PDZD2: variants seen among roughly 807,000 people sequenced by gnomAD.
PDZD2 encodes the protein PDZ domain-containing protein 2.
Under a neutral mutation model 220.7 loss-of-function variants are expected in PDZD2, and 90 were observed. The observed-to-expected ratio is 0.41, with a 90% CI of 0.34 to 0.49. The LOEUF (loss-of-function observed/expected upper bound fraction) is 0.49, where lower values mean the gene tolerates loss of function less well. Among genes scored for constraint, PDZD2 ranks in the 20% least tolerant of loss-of-function variants. The probability of loss-of-function intolerance (pLI) is 0.28; values close to 1 mark genes in which losing one functional copy is unlikely to be tolerated. For missense variants in PDZD2, 3,174 were observed against 3,608.5 expected (o/e 0.88, Z 3.08); for synonymous variants, 1,375 against 1,450.5 (o/e 0.95, Z 1.18).
chr5:31,913,356 G>A (rs1050980299), intron 2 of PDZD2, among the ~76,000 whole-genome samples: 4 of 140,756 alleles, frequency 2.8e-5, no homozygotes, highest in African/African-American at 1.0e-4. Flanking sequence ...AAAAAAAAAA[G>A]AATAGTATCA....
At chr5:32,010,139 G>C (rs1753177167) in intron 5 of PDZD2, among the ~76,000 whole-genome samples, 191 bp from the exon 6 acceptor site, 1 of 152,018 alleles carries the variant, frequency 6.6e-6, no homozygotes, top group South Asian at 2.1e-4. Context: ...ATTCTCTGTG[G>C]GGAAAAAATG....
rs1745143472 is a variant in PDZD2 at position 31,646,554 on chromosome 5, C to T, written c.-361+7117C>T. ...ATTTTTGTGTGTTGGCCAATGGACA[C>T]TTATAAAATGTCTGATTTCAGCTGT... On this transcript the variant is annotated intron_variant, in intron 1 of 24. Coordinates refer to ENST00000438447, the MANE Select transcript of PDZD2 (RefSeq NM_178140.4). This position sits in a 1 kb window ranked among gnomAD's most constrained non-coding sequence, Gnocchi z 4.7. Among the ~76,000 whole-genome samples, 1 of 152,144 alleles carries T rather than the reference C, an allele frequency of 6.6e-6. No homozygotes were observed.
chr5:31,999,889 C>G (rs1751964354), intron 4 of PDZD2, among the ~76,000 whole-genome samples: 1 of 152,154 alleles, frequency 6.6e-6, no homozygotes, highest in Non-Finnish European at 1.5e-5. Context: ...GACATTGATG[C>G]CAGGTAGGCC....
rs962086402 is a variant in PDZD2, at chr5:31,864,523, C to CT, written c.476+64811dup. ...ACTACATCTGAATTTGAATTGCATCCTTTTTTTTTTTTGGAGACGGAGTTT... is the reference window on the plus strand; with the variant it reads ...ACTACATCTGAATTTGAATTGCATCCTTTTTTTTTTTTTGGAGACGGAGTTT... On this transcript the variant is annotated intron_variant, in intron 2 of 24. Transcript: ENST00000438447. 5.7e-3 allele frequency among the ~76,000 whole-genome samples: 836 copies of CT among 146,418 alleles called. 5 individuals are homozygous for CT. Among genetic ancestry groups the CT allele is most frequent in the African/African-American group, 0.016 (638 of 40,250 alleles).
intron 15 of PDZD2, among the ~76,000 whole-genome samples, chr5:32,070,933 T>A (rs1740684906): frequency 1.3e-5 from 2 of 152,052 alleles, no homozygotes; most frequent in South Asian, 4.2e-4. Context: ...GATCATGCCA[T>A]TGCACTCCAG....
chr5:31,880,076 C>T lies in PDZD2; in HGVS notation c.476+80352C>T, dbSNP rs181059110. 2.2e-3 allele frequency among the ~76,000 whole-genome samples: 332 copies of T among 151,990 alleles called. 2 individuals carry two copies. Among genetic ancestry groups the T allele is most frequent in the Non-Finnish European group, 3.4e-3 (229 of 67,984 alleles). On this transcript the variant is annotated intron_variant, in intron 2 of 24. Transcript: ENST00000438447. ...TGACAGGCGCCCACCACCACCACCA[C>T]GCCTGGCTACTTTTTGTATTTTTTT...
At chr5:31,696,546 A>G (rs1747386669) in intron 1 of PDZD2, among the ~76,000 whole-genome samples, 2 of 152,100 alleles carry the variant, frequency 1.3e-5, no homozygotes, top group Non-Finnish European at 2.9e-5. Flanking sequence ...CAAGTGATCT[A>G]CAAGTCTTGG....
At chr5:31,914,090 T>C (rs1743451297) in intron 2 of PDZD2, among the ~76,000 whole-genome samples, 1 of 152,240 alleles carries the variant, frequency 6.6e-6, no homozygotes. Flanking sequence ...CAGTGCCATG[T>C]GATCCCAGAA....
chr5:31,990,510 C>G (rs927221109), intron 3 of PDZD2, among the ~76,000 whole-genome samples: 1 of 152,188 alleles, frequency 6.6e-6, no homozygotes, highest in Non-Finnish European at 1.5e-5. Flanking sequence ...GGGTCTGTTG[C>G]AGAACTCGGT....
chr5:31,992,272 G>A (rs1751279161), intron 3 of PDZD2, among the ~76,000 whole-genome samples: 1 of 152,258 alleles, frequency 6.6e-6, no homozygotes, highest in African/African-American at 2.4e-5. Flanking sequence ...GTAGTTGGGG[G>A]CTGTATTACA....
intron 2 of PDZD2, among the ~76,000 whole-genome samples, chr5:31,890,640 G>A (rs557969722): frequency 1.5e-4 from 23 of 152,144 alleles, no homozygotes; most frequent in Non-Finnish European, 3.2e-4. Context: ...CAAAGAGAAG[G>A]CTGGCTTAAC....
intron 1 of PDZD2, among the ~76,000 whole-genome samples, chr5:31,752,415 G>T (rs1751052722): frequency 6.6e-6 from 1 of 152,066 alleles, no homozygotes; most frequent in African/African-American, 2.4e-5. Flanking sequence ...CAGACGTGGT[G>T]GTGGACACCT....
chr5:31,689,353 A>ATATATATTTTTTTTTTTTTT, intron 1 of PDZD2, among the ~76,000 whole-genome samples: 2 of 35,122 alleles, frequency 5.7e-5, no homozygotes, highest in East Asian at 1.8e-3. Flanking sequence ...ATATATATAT[A>ATATATATTTTTTTTTTTTTT]TTTTTTTTTT....
At chr5:32,091,677 AC>A (rs1449027511) in intron 20 of PDZD2, among the ~76,000 whole-genome samples, 1 of 152,206 alleles carries the variant, frequency 6.6e-6, no homozygotes, top group Non-Finnish European at 1.5e-5. Context: ...ACCATTAACT[AC>A]AGACTTCATT....
intron 6 of PDZD2, among the ~76,000 whole-genome samples, chr5:32,013,067 T>G (rs1753452509): frequency 6.6e-6 from 1 of 152,116 alleles, no homozygotes; most frequent in South Asian, 2.1e-4. Flanking sequence ...CTAATTTTTT[T>G]TCTTTAAGCA....
chr5:32,022,426 C>T (rs1212016299), intron 6 of PDZD2, among the ~76,000 whole-genome samples: 13 of 150,322 alleles, frequency 8.6e-5, no homozygotes, highest in South Asian at 2.1e-4. Context: ...AGGCTGATCT[C>T]GAACTCCTGA....
Position 31,893,096 on chromosome 5 carries a change from C to G in PDZD2, c.477-90059C>G, listed in dbSNP as rs182512797. ...AAGAAAGAATATTTTTTTGGATAAT[C>G]TTGAAACTATTAAACTTGTACCCAC... is the stretch of plus-strand genomic sequence containing the variant. On this transcript the variant is annotated intron_variant, in intron 2 of 24. Coordinates refer to ENST00000438447, the MANE Select transcript of PDZD2 (RefSeq NM_178140.4). 3.7e-3 allele frequency among the ~76,000 whole-genome samples: 556 copies of G among 152,222 alleles called. 1 individual carries two copies. Among genetic ancestry groups the G allele is most frequent in the African/African-American group, 0.013 (542 of 41,542 alleles).
chr5:31,967,519 C>G (rs1229217560), intron 2 of PDZD2, among the ~76,000 whole-genome samples: 1 of 152,196 alleles, frequency 6.6e-6, no homozygotes, highest in Non-Finnish European at 1.5e-5. Context: ...GTGTGCAACT[C>G]AGCCCTTAGA....
chr5:32,008,015 C>T (rs144603322), intron 5 of PDZD2, among the ~76,000 whole-genome samples: 2 of 152,162 alleles, frequency 1.3e-5, no homozygotes, highest in Non-Finnish European at 2.9e-5. Flanking sequence ...CTGGGCCGGG[C>T]GCGGTCCCTC....
Sources: allele counts gnomAD v4.1 joint callset (sites outside exome capture counted in the v4.1 genomes callset), GRCh38; gene constraint gnomAD v4.1.1; non-coding constraint Gnocchi (gnomAD v3.1); transcripts MANE v1.5; gene names NCBI Gene and HGNC (gene_info 2026-07-23, HGNC 2026-07-21).